Variants in TMPRSS6 observed in about 807,000 individuals in gnomAD.
The protein encoded by TMPRSS6 is transmembrane protease serine 6.
A neutral mutation model predicts 101.5 loss-of-function variants in TMPRSS6; 67 were observed. That is an observed-to-expected ratio of 0.66 (90% CI 0.54 to 0.81). TMPRSS6 has a LOEUF of 0.81. TMPRSS6 is among the 30% of genes least tolerant of loss of function. The probability of loss-of-function intolerance (pLI) is 0.00; values close to 1 mark genes in which losing one functional copy is unlikely to be tolerated. For missense variants in TMPRSS6, 1,034 were observed against 1,088.7 expected, an observed-to-expected ratio of 0.95 and a Z score of 0.71; for synonymous variants, 453 against 464.9, an observed-to-expected ratio of 0.97 and a Z score of 0.33.
At chr22:37,068,606 T>C (rs1926554802) in intron 16 of TMPRSS6, 1 of 779,692 alleles carries the variant, frequency 1.3e-6, no homozygotes, top group Non-Finnish European at 2.4e-6. Context: ...TCTCTGGCTG[T>C]GTGACTTACA....
rs1036363839 is a variant in TMPRSS6 at position 37,074,589 on chromosome 22, A to G, written c.1441+21T>C. 5.6e-6 allele frequency: 9 copies of G among 1,609,344 alleles called. No individual in the cohort carries two copies. The South Asian group carries it at 9.9e-5, about 18-fold the overall frequency. On this transcript the variant is annotated intron_variant, in intron 12 of 17. Transcript: ENST00000676104. ...GAAGGGATGGGCAGGGAGAGGAGGG[A>G]TGCGCGGGCGGGTTACTCACCGCAG... is the stretch of plus-strand genomic sequence containing the variant.
chr22:37,095,501 C>A lies in TMPRSS6; in HGVS notation c.631+50G>T, dbSNP rs1306202781. On this transcript the variant is annotated intron_variant, in intron 6 of 17. Coordinates refer to ENST00000676104, the MANE Select transcript of TMPRSS6 (RefSeq NM_001374504.1). ...CCCCTGATACACAACAAAGTCAAGA[C>A]AAATGCCAACTCAAAAGGAAAATGG... 4 of 1,606,220 alleles carry A rather than the reference C, an allele frequency of 2.5e-6. No individual in the cohort carries two copies. In the East Asian group the frequency reaches 8.9e-5, roughly 36 times the overall value.
At chr22:37,074,855 A>G (rs773168777) in intron 11 of TMPRSS6, 147 bp from the exon 12 acceptor site, 10 of 898,454 alleles carry the variant, frequency 1.1e-5, no homozygotes, top group African/African-American at 1.7e-5. Flanking sequence ...ACCTGTGTAC[A>G]CAGTCCAAGC....
chr22:37,068,984 C>A (rs1926591049), intron 16 of TMPRSS6, 89 bp downstream of exon 16: 3 of 1,502,044 alleles, frequency 2.0e-6, no homozygotes, highest in Admixed American at 2.1e-5. Flanking sequence ...GCCCCGGGAC[C>A]CCCAGCCCCG....
chr22:37,076,641 G>A (rs1225589199), intron 10 of TMPRSS6, among the ~76,000 whole-genome samples: 1 of 152,184 alleles, frequency 6.6e-6, no homozygotes, highest in Non-Finnish European at 1.5e-5. Flanking sequence ...CACAGAGTGG[G>A]TGCAGCCACT....
rs917653522 is a variant in TMPRSS6, at chr22:37,091,213, C to T, written c.632-1431G>A. On this transcript the variant is annotated intron_variant, in intron 6 of 17. Coordinates refer to ENST00000676104, the MANE Select transcript of TMPRSS6 (RefSeq NM_001374504.1). ...AGCATCCAGTATCTCATTTAAACCT[C>T]GCCAGAAGCCTGGTGTTCTTCCAGG... Among the ~76,000 whole-genome samples the T allele has an allele frequency of 3.9e-5, 6 of 152,226 alleles. 1 individual carries two copies. The South Asian group carries it at 1.0e-3, about 26-fold the overall frequency.
Position 37,089,747 on chromosome 22 carries a change from C to T in TMPRSS6, c.667G>A (p.Val223Ile), listed in dbSNP as rs760655000. Reference protein sequence around the residue: ...YRYSYVGQGQVLRLKGPDHLA... With the variant: ...YRYSYVGQGQILRLKGPDHLA... ...TGGTCAGGCCCCTTCAGCCGGAGGA[C>T]CTGGCCCTGGCCCACGTAGCTGTAG... Residue 223 changes from valine to isoleucine, a missense_variant, in exon 7 of 18, where the codon GTC becomes ATC. Val to Ile is a conservative substitution (Grantham distance 29, BLOSUM62 3). Coordinates refer to ENST00000676104, the MANE Select transcript of TMPRSS6 (RefSeq NM_001374504.1). 1 of 1,612,520 alleles carries T rather than the reference C, an allele frequency of 6.2e-7. No individual in the cohort carries two copies. The highest frequency in any genetic ancestry group is 8.5e-7 in the Non-Finnish European group (1 of 1,179,706).
rs1284725682 is a variant in TMPRSS6, at chr22:37,078,953, A to AAGAAAG, written c.1197-3674_1197-3673insCTTTCT. On this transcript the variant is annotated intron_variant, in intron 10 of 17. Transcript: ENST00000676104. ...AGGAAGAAGGAGAAGGAGAAGGAGA[A>AAGAAAG]AAAGAGAAAGAAAGAAAGAAAAAGA... 5.3e-4 allele frequency among the ~76,000 whole-genome samples: 59 copies of AAGAAAG among 111,808 alleles called. 1 individual carries two copies. Among genetic ancestry groups the AAGAAAG allele is most frequent in the Non-Finnish European group, 8.6e-4 (45 of 52,346 alleles). The allele number at this position is 111,808 out of a possible 152,430, so 73.4% of individuals were successfully genotyped here. A position where few individuals can be genotyped will look rare whatever the true frequency, so the allele number is the denominator to read the frequency against.
intron 13 of TMPRSS6, among the ~76,000 whole-genome samples, chr22:37,072,499 GGATA>G (rs1259259125): frequency 2.0e-5 from 3 of 147,510 alleles, no homozygotes; most frequent in Non-Finnish European, 3.0e-5. Flanking sequence ...GATGATGGAT[GGATA>G]GACGATGGAC....
At chr22:37,093,482 A>G (rs1929457901) in intron 6 of TMPRSS6, among the ~76,000 whole-genome samples, 2 of 138,598 alleles carry the variant, frequency 1.4e-5, no homozygotes, top group African/African-American at 5.5e-5. Context: ...AGCTCACTGC[A>G]AGCTCCATCT....
In TMPRSS6 at chr22:37,108,961, G is replaced by A. The variant is rs186085686; in HGVS notation, c.-2+542C>T. Among the ~76,000 whole-genome samples the A allele has an allele frequency of 2.5e-3, 386 of 152,212 alleles. 1 individual carries two copies. Among genetic ancestry groups the A allele is most frequent in the Non-Finnish European group, 3.9e-3 (267 of 68,004 alleles). ...GTACACAGATGGAGACACGCGGAGG[G>A]ATATACGCACATCTATTCATGACAC... On this transcript the variant is annotated intron_variant, in intron 1 of 17. Transcript: ENST00000676104.
chr22:37,070,243 T>A (rs1286899083), intron 15 of TMPRSS6, among the ~76,000 whole-genome samples: 1 of 152,096 alleles, frequency 6.6e-6, no homozygotes, highest in Non-Finnish European at 1.5e-5. Flanking sequence ...GATGAATGAA[T>A]GAATTACTGG....
At chr22:37,087,191 C>A (rs73415576) in intron 7 of TMPRSS6, among the ~76,000 whole-genome samples, 3,669 of 152,282 alleles carry the variant, frequency 0.024, 162 homozygotes, top group African/African-American at 0.083. Flanking sequence ...ACCAACCTCC[C>A]CCAAACTTCC....
chr22:37,069,453 C>T lies in TMPRSS6; in HGVS notation c.1842-109G>A. The stretch of plus-strand genomic sequence containing the variant: ...GCCAGATCCCCGCCCGGGACAGTGC[C>T]CTCCACACCCAGCCCTCCCTTCCCT... On this transcript the variant is annotated intron_variant, in intron 15 of 17. Transcript: ENST00000676104. This position sits in a 1 kb window ranked among gnomAD's most constrained non-coding sequence, Gnocchi z 4.8. The T allele has an allele frequency of 2.8e-6, 3 of 1,077,036 alleles. No individual in the cohort carries two copies. Among genetic ancestry groups the T allele is most frequent in the South Asian group, 1.5e-5 (1 of 65,614 alleles). The allele number at this position is 1,077,036 out of a possible 1,614,324, so 66.7% of individuals were successfully genotyped here. A position where few individuals can be genotyped will look rare whatever the true frequency, so the allele number is the denominator to read the frequency against.
Position 37,073,584 on chromosome 22 carries a change from A to G in TMPRSS6, c.1503T>C (p.Cys501=). The G allele has an allele frequency of 6.2e-7, 1 of 1,614,110 alleles. No homozygotes were observed. The highest frequency in any genetic ancestry group is 8.5e-7 in the Non-Finnish European group (1 of 1,179,998). The change falls in exon 13 of 18, where the codon TGT becomes TGC. Residue 501 remains cysteine (C), a synonymous_variant. Transcript: ENST00000676104. The stretch of plus-strand genomic sequence containing the variant: ...CGTTGAGACAATCAGGCTGCCCATC[A>G]CAGACCTTGGGCAGTGAGATGCATG... ...DSTCISLPKV[C]DGQPDCLNGS...
chr22:37,099,723 C>T (rs1449657876), intron 2 of TMPRSS6, among the ~76,000 whole-genome samples: 2 of 152,108 alleles, frequency 1.3e-5, no homozygotes, highest in Admixed American at 6.5e-5. Flanking sequence ...ATGGGACGGG[C>T]TGCGATATGG....
intron 4 of TMPRSS6, 66 bp from the exon 5 acceptor site, chr22:37,096,156 G>T: frequency 1.3e-6 from 2 of 1,576,264 alleles, no homozygotes; most frequent in Middle Eastern, 1.7e-4. Flanking sequence ...CTCCACCCCT[G>T]CTCATGCACA....
Position 37,103,633 on chromosome 22 carries a change from C to G in TMPRSS6, c.-1-215G>C. ...TCGCACCAGAGGGCAGGCACCAGAGCTGGACTGGGTCTGGCTCAAGAACCC... is the reference window on the plus strand; with the variant it reads ...TCGCACCAGAGGGCAGGCACCAGAGGTGGACTGGGTCTGGCTCAAGAACCC... On this transcript the variant is annotated intron_variant, in intron 1 of 17. Coordinates refer to ENST00000676104, the MANE Select transcript of TMPRSS6 (RefSeq NM_001374504.1). This position sits in a 1 kb window ranked among gnomAD's most constrained non-coding sequence, Gnocchi z 4.4. The G allele has an allele frequency of 6.3e-7, 1 of 1,584,168 alleles. No individual in the cohort carries two copies. Among genetic ancestry groups the G allele is most frequent in the Non-Finnish European group, 8.6e-7 (1 of 1,158,948 alleles).
intron 7 of TMPRSS6, among the ~76,000 whole-genome samples, chr22:37,087,160 C>G (rs1003867920): frequency 2.0e-5 from 3 of 152,126 alleles, no homozygotes; most frequent in African/African-American, 7.2e-5. Flanking sequence ...CAGGGGTTCC[C>G]CAGCTCCCCT....
Sources: allele counts gnomAD v4.1 joint callset (sites outside exome capture counted in the v4.1 genomes callset), GRCh38; gene constraint gnomAD v4.1.1; non-coding constraint Gnocchi (gnomAD v3.1); transcripts MANE v1.5; gene names NCBI Gene and HGNC (gene_info 2026-07-23, HGNC 2026-07-21).